The following DST variants were observed in gnomAD, a reference collection of about 807,000 sequenced individuals.
The protein encoded by DST is bullous pemphigoid antigen.
In DST, 253 loss-of-function variants were observed where a neutral mutation model predicts 875.2. The ratio of observed to expected loss-of-function variants is 0.29; its 90% CI spans 0.26 to 0.32. DST has a LOEUF of 0.32. Ranked by LOEUF, DST falls within the 10% of genes least tolerant of loss-of-function variation. The pLI, the probability that DST is intolerant of heterozygous loss-of-function variation, is 1.00. For missense variants in DST, 8,287 were observed against 9,111.6 expected, an observed-to-expected ratio of 0.91 and a Z score of 3.68; for synonymous variants, 3,124 against 3,197.1, an observed-to-expected ratio of 0.98 and a Z score of 0.77.
intron 3 of DST, among the ~76,000 whole-genome samples, chr6:56,881,518 A>C (rs1233843633): frequency 2.0e-5 from 3 of 152,174 alleles, no homozygotes; most frequent in Non-Finnish European, 4.4e-5. Context: ...GAAAATTAGA[A>C]TATAAAACAA....
At chr6:56,467,054 G>C (rs946187929) in intron 98 of DST, 2 of 152,060 alleles carry the variant, frequency 1.3e-5, no homozygotes, top group African/African-American at 4.8e-5. Flanking sequence ...TTTATGTTTT[G>C]AAAGCCTGTG....
intron 77 of DST, among the ~76,000 whole-genome samples, chr6:56,504,805 C>A (rs543863029): frequency 2.6e-5 from 4 of 152,262 alleles, no homozygotes; most frequent in African/African-American, 7.2e-5. Flanking sequence ...AAGCAATCCT[C>A]CTACCTCAGC....
chr6:56,819,922 G>A (rs761846939), intron 4 of DST, among the ~76,000 whole-genome samples: 6 of 152,116 alleles, frequency 3.9e-5, no homozygotes, highest in South Asian at 4.1e-4. Context: ...GTAACATTTC[G>A]TCATAAATAA....
intron 4 of DST, among the ~76,000 whole-genome samples, chr6:56,811,441 C>A (rs1430625263): frequency 1.3e-5 from 2 of 152,102 alleles, no homozygotes; most frequent in East Asian, 3.9e-4. Flanking sequence ...GCTATAGCAT[C>A]ATCAATATTA....
At chr6:56,581,497 G>C (rs1191292051) in intron 49 of DST, among the ~76,000 whole-genome samples, 1 of 152,174 alleles carries the variant, frequency 6.6e-6, no homozygotes, top group Admixed American at 6.5e-5. Context: ...ATGAGTAGCA[G>C]TCCCCGCGTA....
chr6:56,600,228 T>C lies in DST; in HGVS notation c.11542-7A>G, dbSNP rs1377711174. Reference sequence around the variant, plus strand: ...GCTGACGCTCTGCTACAATCTAAAGTGAAGAAAACCCAAAACATCTTAAAT... The same window carrying C: ...GCTGACGCTCTGCTACAATCTAAAGCGAAGAAAACCCAAAACATCTTAAAT... On this transcript the variant is annotated splice_polypyrimidine_tract_variant and splice_region_variant and intron_variant, in intron 44 of 103. Transcript: ENST00000680361. The C allele has an allele frequency of 1.9e-6, 3 of 1,609,062 alleles. No homozygotes were observed. The highest frequency in any genetic ancestry group is 1.7e-5 in the Admixed American group (1 of 59,466).
chr6:56,791,023 A>G (rs1275238566), intron 4 of DST, among the ~76,000 whole-genome samples: 1 of 152,242 alleles, frequency 6.6e-6, no homozygotes, highest in Non-Finnish European at 1.5e-5. Flanking sequence ...ACATGGAATG[A>G]GAAAGAGAGG....
In DST at chr6:56,937,148, T is replaced by C. The variant is rs78751246; in HGVS notation, c.216+16637A>G. On this transcript the variant is annotated intron_variant, in intron 2 of 103. Transcript: ENST00000680361. The stretch of plus-strand genomic sequence containing the variant: ...AATTCCTAGAAATGACACCAAAGTA[T>C]AATCCATAAAGAAAAATAATTGATA... Among the ~76,000 whole-genome samples, 361 of 152,138 alleles carry C rather than the reference T, an allele frequency of 2.4e-3. 10 individuals carry two copies. The East Asian group carries it at 0.045, about 19-fold the overall frequency.
chr6:56,924,206 T>C (rs550759625), intron 2 of DST, among the ~76,000 whole-genome samples: 8 of 152,238 alleles, frequency 5.3e-5, no homozygotes, highest in African/African-American at 1.9e-4. Context: ...AGTTGACACA[T>C]AAAATTAACC....
At chr6:56,718,335 CAAAATT>C (rs1184858247) in intron 5 of DST, among the ~76,000 whole-genome samples, 6 of 152,084 alleles carry the variant, frequency 3.9e-5, no homozygotes, top group Non-Finnish European at 5.9e-5. Context: ...TAGTCATTAG[CAAAATT>C]AAAATTAAAA....
At chr6:56,470,303 G>T in intron 95 of DST, 21 bp from the exon 96 acceptor site, 4 of 1,572,308 alleles carry the variant, frequency 2.5e-6, no homozygotes, top group Non-Finnish European at 3.5e-6. Context: ...GAAAACAATG[G>T]TAAGTAGTGA....
chr6:56,882,292 A>T (rs950387399), intron 3 of DST, among the ~76,000 whole-genome samples: 3 of 152,226 alleles, frequency 2.0e-5, no homozygotes, highest in Non-Finnish European at 4.4e-5. Context: ...TAAGGACCCC[A>T]TTGCTTCTGA....
At position 56,604,194 on chromosome 6, in the gene DST, T is replaced by A; in HGVS notation, c.10434A>T (p.Arg3478Ser). Residue 3478 changes from arginine to serine, a missense_variant, in exon 40 of 104, where the codon AGA becomes AGT. Physicochemically the swap from Arg to Ser is moderately radical, Grantham distance 110. Around this residue, in one of 10 missense-constraint regions of DST, gnomAD observed 3,138 missense variants for 3,116.6 expected, o/e 1.01. Coordinates refer to ENST00000680361, the MANE Select transcript of DST (RefSeq NM_001374736.1). ...LTHMEYDLEKRGITSKVLPLQ... is the reference protein window; with the variant it reads ...LTHMEYDLEKSGITSKVLPLQ... Reference sequence around the variant, plus strand: ...GTGGAAGTACTTTAGACGTAATGCCTCTTTTCTCTAGGTCATACTCCATAT... The same window carrying A: ...GTGGAAGTACTTTAGACGTAATGCCACTTTTCTCTAGGTCATACTCCATAT... 3.7e-6 allele frequency: 6 copies of A among 1,603,988 alleles called. No homozygotes were observed. Among genetic ancestry groups the A allele is most frequent in the Non-Finnish European group, 5.1e-6 (6 of 1,174,298 alleles).
intron 36 of DST, chr6:56,616,704 T>C: frequency 2.5e-6 from 4 of 1,614,188 alleles, no homozygotes; most frequent in Non-Finnish European, 3.4e-6. Flanking sequence ...ACAGGGTCAA[T>C]GACACCCCCA....
Position 56,604,237 on chromosome 6 carries a change from A to C in DST, c.10391T>G (p.Leu3464Trp). 1 of 1,609,726 alleles carries C rather than the reference A, an allele frequency of 6.2e-7. No individual in the cohort carries two copies. The highest frequency in any genetic ancestry group is 8.5e-7 in the Non-Finnish European group (1 of 1,177,650). Residue 3464 changes from leucine to tryptophan, a missense_variant, in exon 40 of 104, where the codon TTG becomes TGG. Around this residue, in one of 10 missense-constraint regions of DST, gnomAD observed 3,138 missense variants for 3,116.6 expected, o/e 1.01. Transcript: ENST00000680361. Reference sequence around the variant, plus strand: ...CTCCATATGAGTTAATTCTCTCATCAATTCAAATACTCCTGTAATTTTTTG... The same window carrying C: ...CTCCATATGAGTTAATTCTCTCATCCATTCAAATACTCCTGTAATTTTTTG... ...HSQKITGVFE[L>W]MRELTHMEYD...
chr6:56,916,778 T>TCTCTCTCTCTCTCTCTCTCACACA (rs1470233953), intron 2 of DST, among the ~76,000 whole-genome samples: 6 of 91,344 alleles, frequency 6.6e-5, no homozygotes, highest in African/African-American at 3.1e-4. Context: ...TCTCTCTCTC[T>TCTCTCTCTCTCTCTCTCTCACACA]CACACACACA....
At position 56,605,831 on chromosome 6, in the gene DST, T is replaced by A; in HGVS notation, c.8797A>T (p.Thr2933Ser). The A allele has an allele frequency of 6.2e-7, 1 of 1,612,354 alleles. No homozygotes were observed. The highest frequency in any genetic ancestry group is 8.5e-7 in the Non-Finnish European group (1 of 1,179,142). ...TGTGAAATACTTGCAGGGCCAAAAG[T>A]TTTTTCAGATTCAGTGTCTTTAATG... ...PIIKDTESEK[T>S]FGPASISHDN... is the part of the protein sequence containing the mutation. Residue 2933 changes from threonine (T) to serine (S), a missense_variant, in exon 40 of 104, where the codon ACT (threonine) becomes TCT (serine). Physicochemically the swap from Thr to Ser is moderately conservative, Grantham distance 58. Around this residue, in one of 10 missense-constraint regions of DST, gnomAD observed 3,138 missense variants for 3,116.6 expected, o/e 1.01. Coordinates refer to ENST00000680361, the MANE Select transcript of DST (RefSeq NM_001374736.1).
At position 56,492,391 on chromosome 6, in the gene DST, C is replaced by G. The variant is rs34664998; in HGVS notation, c.20593G>C (p.Glu6865Gln). The G allele has an allele frequency of 3.1e-6, 5 of 1,613,746 alleles. No homozygotes were observed. The highest frequency in any genetic ancestry group is 4.2e-6 in the Non-Finnish European group (5 of 1,179,798). The change falls in exon 85 of 104, where the codon GAG (glutamate) becomes CAG (glutamine). Residue 6865 changes from glutamate to glutamine, a missense_variant. Glu to Gln is a conservative substitution (Grantham distance 29). Around this residue, in one of 10 missense-constraint regions of DST, gnomAD observed 1,292 missense variants for 1,552.7 expected, o/e 0.83. Coordinates refer to ENST00000680361, the MANE Select transcript of DST (RefSeq NM_001374736.1). ...AGGTGGGTTCCAGTTTTGTCCAGCT[C>G]TATTATCTGCTCACGATGAGAATTT... is the stretch of plus-strand genomic sequence containing the variant. ...EVNSHREQII[E>Q]LDKTGTHLKY...
intron 36 of DST, among the ~76,000 whole-genome samples, chr6:56,623,084 G>A (rs2098705039): frequency 6.6e-6 from 1 of 151,900 alleles, no homozygotes; most frequent in Non-Finnish European, 1.5e-5. Context: ...TATAGCCTTC[G>A]CTTGTTCTTC....
Sources: allele counts gnomAD v4.1 joint callset (sites outside exome capture counted in the v4.1 genomes callset), GRCh38; gene constraint gnomAD v4.1.1; regional missense constraint gnomAD v4.1.1; transcripts MANE v1.5; gene names NCBI Gene and HGNC (gene_info 2026-07-23, HGNC 2026-07-21).